The following NOVA1 variants were observed in gnomAD, a reference collection of about 807,000 sequenced individuals.
NOVA1 encodes the protein NOVA alternative splicing regulator 1.
NOVA1 carries 7 observed loss-of-function variants against 38.0 expected under a neutral mutation model. The observed-to-expected ratio is 0.18, with a 90% CI of 0.10 to 0.35. NOVA1 has a LOEUF of 0.35. NOVA1 is among the 10% of genes least tolerant of loss of function. The probability of loss-of-function intolerance (pLI) is 1.00; values close to 1 mark genes in which losing one functional copy is unlikely to be tolerated. For synonymous variants in NOVA1, 270 were observed against 232.5 expected, an observed-to-expected ratio of 1.16 and a Z score of -1.47; for missense variants, 460 against 616.0, an observed-to-expected ratio of 0.75 and a Z score of 2.68.
chr14:26,549,016 T>A (rs1307421771), intron 2 of NOVA1, among the ~76,000 whole-genome samples: 1 of 151,808 alleles, frequency 6.6e-6, no homozygotes, highest in Non-Finnish European at 1.5e-5. Flanking sequence ...AGCTTCCAGC[T>A]ACTTTGATAG....
chr14:26,462,832 T>C (rs1292748093), intron 4 of NOVA1, among the ~76,000 whole-genome samples: 1 of 152,148 alleles, frequency 6.6e-6, no homozygotes, highest in Non-Finnish European at 1.5e-5. Flanking sequence ...TTACCTTCTT[T>C]CCCTTAAAAC....
chr14:26,518,416 CCT>C (rs1304192632), intron 2 of NOVA1, among the ~76,000 whole-genome samples: 2 of 151,762 alleles, frequency 1.3e-5, no homozygotes, highest in Non-Finnish European at 2.9e-5. Flanking sequence ...TTTACGTAGC[CCT>C]CTTTTATCAA....
intron 2 of NOVA1, among the ~76,000 whole-genome samples, chr14:26,536,129 C>T (rs1295166024): frequency 1.3e-5 from 2 of 151,856 alleles, no homozygotes; most frequent in African/African-American, 2.4e-5. Context: ...AGACTGCATG[C>T]TCTCACTTAT....
At chr14:26,563,485 G>C (rs1480773855) in intron 2 of NOVA1, among the ~76,000 whole-genome samples, 4 of 151,742 alleles carry the variant, frequency 2.6e-5, no homozygotes, top group Admixed American at 2.6e-4. Flanking sequence ...AATGAAAAAA[G>C]AGAAGGAAAA....
chr14:26,583,002 G>C lies in NOVA1; in HGVS notation c.280+12408C>G, dbSNP rs911821499. On this transcript the variant is annotated intron_variant, in intron 2 of 4. Coordinates refer to ENST00000539517, the MANE Select transcript of NOVA1 (RefSeq NM_002515.3). ...CAGAGACATTCTAGTTTTTAAACAA[G>C]ATGTCAAATACACCAGCATAGCTGA... Among the ~76,000 whole-genome samples, 33 of 151,856 alleles carry C rather than the reference G, an allele frequency of 2.2e-4. 1 individual carries two copies. Among genetic ancestry groups the C allele is most frequent in the African/African-American group, 5.8e-4 (24 of 41,536 alleles).
At chr14:26,557,364 A>C (rs1467514251) in intron 2 of NOVA1, among the ~76,000 whole-genome samples, 2 of 152,048 alleles carry the variant, frequency 1.3e-5, no homozygotes, top group Non-Finnish European at 2.9e-5. Flanking sequence ...TGGGAATGCA[A>C]AATAGTAGAG....
intron 2 of NOVA1, among the ~76,000 whole-genome samples, chr14:26,503,803 C>T (rs919074262): frequency 1.4e-4 from 22 of 151,980 alleles, no homozygotes; most frequent in African/African-American, 5.1e-4. Flanking sequence ...AAATTTATAA[C>T]GTAGCCCTTT....
intron 2 of NOVA1, among the ~76,000 whole-genome samples, chr14:26,530,986 A>G (rs2049611736): frequency 6.6e-6 from 1 of 152,210 alleles, no homozygotes; most frequent in African/African-American, 2.4e-5. Flanking sequence ...AGAGACATTA[A>G]TATGTACATT....
chr14:26,482,567 TGTTA>T (rs928743464), intron 2 of NOVA1, among the ~76,000 whole-genome samples: 18 of 152,324 alleles, frequency 1.2e-4, no homozygotes, highest in African/African-American at 4.3e-4. Flanking sequence ...CTAAACTGCC[TGTTA>T]TTTATCATTT....
chr14:26,478,163 T>G (rs1010902913), intron 3 of NOVA1, among the ~76,000 whole-genome samples: 3 of 151,964 alleles, frequency 2.0e-5, no homozygotes, highest in Admixed American at 1.3e-4. Flanking sequence ...GCAAATATTT[T>G]AAAATTCTAG....
At chr14:26,462,642 T>G (rs1238686835) in intron 4 of NOVA1, among the ~76,000 whole-genome samples, 1 of 152,218 alleles carries the variant, frequency 6.6e-6, no homozygotes, top group Non-Finnish European at 1.5e-5. Context: ...GGCATAACTT[T>G]AAAATATGAA....
intron 2 of NOVA1, among the ~76,000 whole-genome samples, chr14:26,486,894 A>C (rs1214159533): frequency 3.9e-5 from 6 of 151,990 alleles, no homozygotes; most frequent in Non-Finnish European, 8.8e-5. Flanking sequence ...AAGATTTAAA[A>C]TTCTATACAA....
chr14:26,516,328 A>C (rs144298738), intron 2 of NOVA1, among the ~76,000 whole-genome samples: 9 of 152,252 alleles, frequency 5.9e-5, no homozygotes, highest in Admixed American at 5.9e-4. Context: ...TTCACTGTTA[A>C]TGGTGTCTTG....
rs563401938 is a variant in NOVA1 at position 26,597,507 on chromosome 14, CTTT to C, written c.-74_-72del. On this transcript the variant is annotated 5_prime_UTR_variant, in exon 1 of 5. Transcript: ENST00000539517. ...GTTTTGGCTTTTTCTTTTCTTTTTT[CTTT>C]TTTTTTTTTTTTTTTTTTTGCGTTT... 7,786 of 771,870 alleles carry C rather than the reference CTTT, an allele frequency of 0.01. No individual in the cohort carries two copies. The highest frequency in any genetic ancestry group is 0.029 in the East Asian group (331 of 11,240). 47.8% of individuals were successfully genotyped at this position (771,870 alleles called of 1,614,324 possible).
At chr14:26,571,490 C>T (rs560482165) in intron 2 of NOVA1, among the ~76,000 whole-genome samples, 5 of 152,234 alleles carry the variant, frequency 3.3e-5, no homozygotes, top group South Asian at 2.1e-4. Flanking sequence ...ATGACAATGA[C>T]GCAGTTACCT....
intron 2 of NOVA1, among the ~76,000 whole-genome samples, chr14:26,487,361 CTT>C: frequency 6.6e-6 from 1 of 152,220 alleles, no homozygotes; most frequent in South Asian, 2.1e-4. Flanking sequence ...TTTTAAGTGA[CTT>C]TTAACAGTAA....
At chr14:26,576,305 T>C (rs1892838281) in intron 2 of NOVA1, among the ~76,000 whole-genome samples, 1 of 151,722 alleles carries the variant, frequency 6.6e-6, no homozygotes, top group Non-Finnish European at 1.5e-5. Context: ...TATTACTGTA[T>C]ATACTTAAGG....
At chr14:26,517,127 G>A (rs918538455) in intron 2 of NOVA1, among the ~76,000 whole-genome samples, 7 of 151,866 alleles carry the variant, frequency 4.6e-5, no homozygotes, top group South Asian at 2.1e-4. Flanking sequence ...GGATAGCCTC[G>A]ATCTCCTGAC....
intron 2 of NOVA1, among the ~76,000 whole-genome samples, chr14:26,528,869 C>T (rs1889488682): frequency 6.6e-6 from 1 of 152,156 alleles, no homozygotes; most frequent in African/African-American, 2.4e-5. Context: ...TTAAAGCTGA[C>T]CACTCTAAAC....
Sources: gnomAD v4.1 joint callset for allele counts (sites outside exome capture counted in the v4.1 genomes callset) on GRCh38, gnomAD v4.1.1 for gene constraint, MANE v1.5 for transcripts, NCBI Gene and HGNC (gene_info 2026-07-23, HGNC 2026-07-21) for gene names.